VWA3A: variants seen among roughly 807,000 people sequenced by gnomAD.
The protein encoded by VWA3A is von Willebrand factor A domain containing 3A.
In VWA3A, 134 loss-of-function variants were observed where a neutral mutation model predicts 160.4. The ratio of observed to expected loss-of-function variants is 0.84; its 90% CI spans 0.73 to 0.96. VWA3A has a LOEUF of 0.96. Ranked by LOEUF, VWA3A falls within the 40% of genes least tolerant of loss-of-function variation. The pLI, the probability that VWA3A is intolerant of heterozygous loss-of-function variation, is 0.00. For missense variants in VWA3A, 1,310 were observed against 1,447.9 expected (o/e 0.90, Z 1.55); for synonymous variants, 476 against 543.4 (o/e 0.88, Z 1.72).
intron 21 of VWA3A, among the ~76,000 whole-genome samples, chr16:22,138,155 C>G (rs1034932811): frequency 6.6e-6 from 1 of 152,174 alleles, no homozygotes; most frequent in Non-Finnish European, 1.5e-5. Context: ...GAGCCTGTGC[C>G]TCCCAGGCCC....
intron 27 of VWA3A, among the ~76,000 whole-genome samples, chr16:22,147,865 G>T (rs1367463511): frequency 6.6e-6 from 1 of 152,152 alleles, no homozygotes; most frequent in East Asian, 1.9e-4. Flanking sequence ...TAACTTTAAG[G>T]ATAAGGAAAT....
At chr16:22,138,682 G>T in intron 22 of VWA3A, 170 bp downstream of exon 22, 1 of 872,508 alleles carries the variant, frequency 1.1e-6, no homozygotes, top group Admixed American at 2.9e-5. Flanking sequence ...ATCTCCCGCG[G>T]GGGGCCGGCT....
intron 10 of VWA3A, 39 bp downstream of exon 10, chr16:22,116,906 G>T: frequency 6.3e-7 from 1 of 1,590,042 alleles, no homozygotes; most frequent in Non-Finnish European, 8.6e-7. Flanking sequence ...CCTTGGCTTT[G>T]GTGGTAGTGA....
intron 22 of VWA3A, among the ~76,000 whole-genome samples, chr16:22,138,838 C>T (rs1027166010): frequency 2.6e-5 from 4 of 152,006 alleles, no homozygotes; most frequent in Admixed American, 1.3e-4. Context: ...GAGAGTCTCT[C>T]GGGGGCAAAG....
intron 12 of VWA3A, among the ~76,000 whole-genome samples, chr16:22,119,528 A>G (rs184375576): frequency 1.5e-3 from 223 of 152,258 alleles, no homozygotes; most frequent in Middle Eastern, 0.014. Flanking sequence ...AAAATTAGCC[A>G]GGCACGATGG....
intron 17 of VWA3A, among the ~76,000 whole-genome samples, chr16:22,129,692 G>A (rs1019975505): frequency 6.6e-6 from 1 of 152,116 alleles, no homozygotes; most frequent in Non-Finnish European, 1.5e-5. Context: ...AAATGGTAGT[G>A]CAGGGATCGC....
Position 22,134,418 on chromosome 16 carries a change from G to C in VWA3A, c.2119G>C (p.Ala707Pro). The part of the protein sequence containing the change: ...INSIMSEMEK[A>P]LNYSQKCAFL... ...CTCCATCATGTCTGAGATGGAAAAG[G>C]CTCTCAACTACTCCCAAAAGGTATG... Residue 707 changes from alanine (A) to proline (P), a missense_variant, in exon 21 of 34, where the codon GCT becomes CCT. Transcript: ENST00000389398. 1.3e-6 allele frequency: 2 copies of C among 1,595,634 alleles called. No individual in the cohort carries two copies. Among genetic ancestry groups the C allele is most frequent in the Non-Finnish European group, 1.7e-6 (2 of 1,170,468 alleles).
chr16:22,120,829 G>A, intron 12 of VWA3A, 139 bp from the exon 13 acceptor site: 1 of 1,059,076 alleles, frequency 9.4e-7, no homozygotes, highest in Non-Finnish European at 1.3e-6. Flanking sequence ...GATGATGGAA[G>A]GGAAAGGCAA....
chr16:22,137,863 C>G lies in VWA3A; in HGVS notation c.2140-497C>G, dbSNP rs146077358. On this transcript the variant is annotated intron_variant, in intron 21 of 33. Coordinates refer to ENST00000389398, the MANE Select transcript of VWA3A (RefSeq NM_173615.5). ...ATTCTTAAACAAAAGCCTTGTGATT[C>G]TGAAGTCAGAAATCCTATCTAGAGG... Among the ~76,000 whole-genome samples the G allele has an allele frequency of 1.0e-3, 154 of 152,270 alleles. 1 individual carries two copies. The highest frequency in any genetic ancestry group is 3.4e-3 in the African/African-American group (140 of 41,548).
At chr16:22,134,658 G>GTGTTTGTTTGTT (rs34781292) in intron 21 of VWA3A, among the ~76,000 whole-genome samples, 620 of 151,500 alleles carry the variant, frequency 4.1e-3, no homozygotes, top group East Asian at 0.013. Context: ...GTGGCAATTG[G>GTGTTTGTTTGTT]TGTTTGTTTG....
chr16:22,149,024 G>A (rs568999825), intron 28 of VWA3A, among the ~76,000 whole-genome samples: 9 of 152,236 alleles, frequency 5.9e-5, no homozygotes, highest in African/African-American at 1.2e-4. Flanking sequence ...ACTAGGCCTC[G>A]TTCTTGCCTT....
In VWA3A at chr16:22,141,704, G is replaced by T. The variant is rs1321066131; in HGVS notation, c.2494+12G>T. On this transcript the variant is annotated intron_variant, in intron 24 of 33. Transcript: ENST00000389398. Reference sequence around the variant, plus strand: ...AGGGAATGACGTGGGTAAGTTAGAGGCTATACAGGTGTCTGGACAGCCCCC... The same window carrying T: ...AGGGAATGACGTGGGTAAGTTAGAGTCTATACAGGTGTCTGGACAGCCCCC... 2 of 1,598,354 alleles carry T rather than the reference G, an allele frequency of 1.3e-6. No individual in the cohort carries two copies. Among genetic ancestry groups the T allele is most frequent in the Admixed American group, 1.7e-5 (1 of 57,226 alleles).
Position 22,152,597 on chromosome 16 carries a change from T to C in VWA3A, c.3368T>C (p.Ile1123Thr). 6.2e-7 allele frequency: 1 copy of C among 1,609,988 alleles called. No homozygotes were observed. The highest frequency in any genetic ancestry group is 2.2e-5 in the East Asian group (1 of 44,802). ...GTGGGTGAGGACACACTCTCCAAAA[T>C]TCACAGCCTGCTGACCAAAGGCTTC... Reference protein sequence around the residue: ...CPVGEDTLSKIHSLLTKGFIN... With the variant: ...CPVGEDTLSKTHSLLTKGFIN... The change falls in exon 31 of 34, where the codon ATT (isoleucine) becomes ACT (threonine). Residue 1123 changes from isoleucine (I) to threonine (T), a missense_variant. Physicochemically the swap from Ile to Thr is moderately conservative, Grantham distance 89. Coordinates refer to ENST00000389398, the MANE Select transcript of VWA3A (RefSeq NM_173615.5).
At chr16:22,121,144 T>C (rs779698168) in intron 13 of VWA3A, 41 bp downstream of exon 13, 2 of 1,613,234 alleles carry the variant, frequency 1.2e-6, no homozygotes, top group Admixed American at 3.3e-5. Context: ...AACAGGTGAC[T>C]GACTAAAAGG....
In VWA3A at chr16:22,124,186, C is replaced by CAAAA. The variant is rs11426931; in HGVS notation, c.1532+501_1532+504dup. On this transcript the variant is annotated intron_variant, in intron 16 of 33. Coordinates refer to ENST00000389398, the MANE Select transcript of VWA3A (RefSeq NM_173615.5). ...ACAGAGCAAGTCCCTGTGTCTACCA[C>CAAAA]AAAAAAAAAAAAAAAAAAAAAAAAA... Among the ~76,000 whole-genome samples, 92 of 46,242 alleles carry CAAAA rather than the reference C, an allele frequency of 2.0e-3. 2 individuals are homozygous for CAAAA. Among genetic ancestry groups the CAAAA allele is most frequent in the East Asian group, 5.8e-3 (8 of 1,368 alleles). 30.3% of individuals were successfully genotyped at this position (46,242 alleles called of 152,430 possible).
chr16:22,117,194 C>T lies in VWA3A; in HGVS notation c.990+18C>T, dbSNP rs1414658063. On this transcript the variant is annotated intron_variant, in intron 11 of 33. Coordinates refer to ENST00000389398, the MANE Select transcript of VWA3A (RefSeq NM_173615.5). ...AGATGGAGGTAAGCCCTTCTGTCAA[C>T]ACATGGCCCCTCTTCTTCTCTCCTT... is the stretch of plus-strand genomic sequence containing the variant. The T allele has an allele frequency of 5.1e-6, 8 of 1,568,662 alleles. No homozygotes were observed. The highest frequency in any genetic ancestry group is 6.9e-6 in the Non-Finnish European group (8 of 1,156,350).
At chr16:22,128,345 T>C (rs1467307342) in intron 17 of VWA3A, among the ~76,000 whole-genome samples, 2 of 152,158 alleles carry the variant, frequency 1.3e-5, no homozygotes, top group Non-Finnish European at 2.9e-5. Context: ...TTGCCTGCCC[T>C]AGTGTTGAGT....
Position 22,141,639 on chromosome 16 carries a change from G to T in VWA3A, c.2441G>T (p.Arg814Met). ...MMELRRKTKS[R>M]EAETSLLLFY... ...GAACTGAGGAGGAAGACCAAGTCAA[G>T]GGAAGCAGAGACATCTCTTTTACTG... The change falls in exon 24 of 34, where the codon AGG (arginine) becomes ATG (methionine). Residue 814 changes from arginine (R) to methionine (M), a missense_variant. Arg to Met is a moderately conservative substitution (Grantham distance 91, BLOSUM62 -1). Coordinates refer to ENST00000389398, the MANE Select transcript of VWA3A (RefSeq NM_173615.5). 2 of 1,612,598 alleles carry T rather than the reference G, an allele frequency of 1.2e-6. No homozygotes were observed. The highest frequency in any genetic ancestry group is 1.7e-6 in the Non-Finnish European group (2 of 1,179,410).
chr16:22,131,189 T>A lies in VWA3A; in HGVS notation c.1653-16T>A. On this transcript the variant is annotated splice_polypyrimidine_tract_variant and intron_variant, in intron 17 of 33. Coordinates refer to ENST00000389398, the MANE Select transcript of VWA3A (RefSeq NM_173615.5). ...CCTCCCCCAGCCTAAGAACGAACTC[T>A]CTTTGCTTCTTAAAGGTTTGGAAGC... 1 of 1,613,042 alleles carries A rather than the reference T, an allele frequency of 6.2e-7. No homozygotes were observed. The highest frequency in any genetic ancestry group is 8.5e-7 in the Non-Finnish European group (1 of 1,179,494).
Sources: gnomAD v4.1 joint callset for allele counts (sites outside exome capture counted in the v4.1 genomes callset) on GRCh38, gnomAD v4.1.1 for gene constraint, MANE v1.5 for transcripts, NCBI Gene and HGNC (gene_info 2026-07-23, HGNC 2026-07-21) for gene names.